The following CCDC171 variants were observed in gnomAD, a reference collection of about 807,000 sequenced individuals.
CCDC171 encodes the protein coiled-coil domain-containing protein 171.
A neutral mutation model predicts 168.2 loss-of-function variants in CCDC171; 177 were observed. The ratio of observed to expected loss-of-function variants is 1.05; its 90% CI spans 0.93 to 1.19. CCDC171 has a LOEUF of 1.19. CCDC171 is among the 50% of genes most tolerant of loss of function. CCDC171 has a pLI of 0.00. For synonymous variants in CCDC171, 687 were observed against 540.8 expected (o/e 1.27, Z -3.75); for missense variants, 1,991 against 1,539.0 (o/e 1.29, Z -4.91).
intron 3 of CCDC171, among the ~76,000 whole-genome samples, chr9:15,998,389 T>C (rs1045162204): frequency 5.9e-5 from 9 of 152,172 alleles, no homozygotes; most frequent in Non-Finnish European, 1.2e-4. Context: ...TCTCCTTCAC[T>C]GGGAAGTGGA....
chr9:15,892,278 C>G (rs1271849505), intron 24 of CCDC171, among the ~76,000 whole-genome samples: 1 of 152,060 alleles, frequency 6.6e-6, no homozygotes, highest in African/African-American at 2.4e-5. Flanking sequence ...TTGACTTGTG[C>G]CAGTTGTCAA....
At chr9:15,645,979 G>A (rs2047003798) in intron 7 of CCDC171, among the ~76,000 whole-genome samples, 1 of 152,150 alleles carries the variant, frequency 6.6e-6, no homozygotes, top group African/African-American at 2.4e-5. Context: ...AGATAAAAAT[G>A]TTAAGGGCAA....
chr9:16,043,907 G>A (rs745807573), intron 1 of CCDC171, among the ~76,000 whole-genome samples: 1 of 152,194 alleles, frequency 6.6e-6, no homozygotes, highest in Non-Finnish European at 1.5e-5. Context: ...TTGAGTTGCA[G>A]TTACCCTTGT....
intron 24 of CCDC171, among the ~76,000 whole-genome samples, chr9:15,915,727 A>G (rs1433007008): frequency 6.6e-6 from 1 of 152,200 alleles, no homozygotes; most frequent in Non-Finnish European, 1.5e-5. Flanking sequence ...TTCTTCATTA[A>G]GTATAATGTT....
intron 21 of CCDC171, among the ~76,000 whole-genome samples, chr9:15,824,089 A>G (rs1005877975): frequency 1.3e-5 from 2 of 152,064 alleles, no homozygotes; most frequent in African/African-American, 2.4e-5. Flanking sequence ...GCTTTACAAG[A>G]AGTTGTACCA....
chr9:16,079,449 T>A, the CCDC171 span, among the ~76,000 whole-genome samples: 1 of 152,176 alleles, frequency 6.6e-6, no homozygotes. Context: ...ATTATTCACT[T>A]AGAGAGAACA....
chr9:15,912,695 A>G (rs1379744725), intron 24 of CCDC171, among the ~76,000 whole-genome samples: 4 of 152,118 alleles, frequency 2.6e-5, no homozygotes, highest in Non-Finnish European at 1.5e-5. Context: ...AGCTCTTATT[A>G]TTTTGAGATA....
intron 23 of CCDC171, among the ~76,000 whole-genome samples, chr9:15,863,144 A>G (rs1341426480): frequency 6.6e-6 from 1 of 151,866 alleles, no homozygotes; most frequent in Non-Finnish European, 1.5e-5. Context: ...TTTAGGTAGA[A>G]CTCTGAAGAG....
At chr9:16,084,040 C>G in the CCDC171 span, among the ~76,000 whole-genome samples, 1 of 152,196 alleles carries the variant, frequency 6.6e-6, no homozygotes, top group Non-Finnish European at 1.5e-5. Flanking sequence ...TCTGCTCTTA[C>G]AGAATATCCC....
chr9:15,943,217 A>C (rs1443415593), intron 25 of CCDC171, among the ~76,000 whole-genome samples: 1 of 152,012 alleles, frequency 6.6e-6, no homozygotes, highest in Admixed American at 6.6e-5. Flanking sequence ...GCATGGTGGC[A>C]GTGTGGTATT....
Position 15,983,380 on chromosome 9 carries a change from CAT to C in CCDC171, n.369-37206_369-37205del, listed in dbSNP as rs1404066671. Among the ~76,000 whole-genome samples the C allele has an allele frequency of 3.3e-5, 5 of 151,902 alleles. No homozygotes were observed. In the East Asian group the frequency reaches 9.7e-4, roughly 29 times the overall value. Reference sequence around the variant, plus strand: ...ATCTGTTTTTCTTTTTTTAAAAAAACATATTTTACTATTTTAACTTATTTCTC... The same window carrying C: ...ATCTGTTTTTCTTTTTTTAAAAAAACATTTTACTATTTTAACTTATTTCTC... On this transcript the variant is annotated intron_variant and non_coding_transcript_variant, in intron 3 of 9. Coordinates refer to the CCDC171 transcript ENST00000486641.
intron 11 of CCDC171, among the ~76,000 whole-genome samples, chr9:15,701,477 A>G (rs1171630976): frequency 6.6e-6 from 1 of 152,076 alleles, no homozygotes; most frequent in Non-Finnish European, 1.5e-5. Context: ...TTAAGATGAC[A>G]GTGATGAAGT....
At chr9:15,958,534 T>C (rs904492580) in intron 25 of CCDC171, among the ~76,000 whole-genome samples, 6 of 146,910 alleles carry the variant, frequency 4.1e-5, no homozygotes, top group African/African-American at 1.2e-4. Context: ...TTATATTATA[T>C]TATATTATAT....
chr9:15,824,303 A>G (rs547057662), intron 21 of CCDC171, among the ~76,000 whole-genome samples: 1 of 152,110 alleles, frequency 6.6e-6, no homozygotes, highest in South Asian at 2.1e-4. Context: ...TATATACTAC[A>G]CATTTTTACA....
intron 23 of CCDC171, among the ~76,000 whole-genome samples, chr9:15,849,949 GA>G (rs201913440): frequency 0.024 from 3,619 of 148,892 alleles, 155 homozygotes; most frequent in African/African-American, 0.084. Flanking sequence ...AAAGTATTTT[GA>G]AAAAAAAATA....
At chr9:16,066,708 G>C in the CCDC171 span, among the ~76,000 whole-genome samples, 3 of 147,680 alleles carry the variant, frequency 2.0e-5, no homozygotes, top group African/African-American at 7.5e-5. Flanking sequence ...GAGAATATGC[G>C]GTGTTTGGTT....
intron 4 of CCDC171, among the ~76,000 whole-genome samples, chr9:15,590,823 T>TTCTTTCTTTCTTTCTA (rs2041949579): frequency 1.3e-5 from 2 of 148,578 alleles, no homozygotes; most frequent in African/African-American, 5.0e-5. Context: ...CTTTCTTTCT[T>TTCTTTCTTTCTTTCTA]TCTTTCTTTC....
At chr9:15,762,022 T>C (rs2056471876) in intron 18 of CCDC171, among the ~76,000 whole-genome samples, 1 of 152,142 alleles carries the variant, frequency 6.6e-6, no homozygotes, top group African/African-American at 2.4e-5. Flanking sequence ...TTTCATGTCT[T>C]TTATAGAATA....
chr9:15,678,997 C>A (rs7037893), intron 10 of CCDC171, 101 bp downstream of exon 10: 793,147 of 839,942 alleles, frequency 0.94, 374,892 homozygotes, highest in East Asian at 1. Context: ...TAATAGTATG[C>A]AAGTTATTTT....
Sources: gnomAD v4.1 joint callset for allele counts (sites outside exome capture counted in the v4.1 genomes callset) on GRCh38, gnomAD v4.1.1 for gene constraint, MANE v1.5 for transcripts, NCBI Gene and HGNC (gene_info 2026-07-23, HGNC 2026-07-21) for gene names.